The following TNIP1 variants were observed in gnomAD, a reference collection of about 807,000 sequenced individuals.
TNIP1 encodes the protein TNFAIP3-interacting protein 1.
TNIP1 carries 22 observed loss-of-function variants against 86.6 expected under a neutral mutation model. That is an observed-to-expected ratio of 0.25 (90% confidence interval 0.18 to 0.36). TNIP1 has a LOEUF of 0.36. Among genes scored for constraint, TNIP1 ranks in the 10% least tolerant of loss-of-function variants. The pLI, the probability that TNIP1 is intolerant of heterozygous loss-of-function variation, is 1.00. For synonymous variants in TNIP1, 294 were observed against 313.0 expected (o/e 0.94, Z 0.64); for missense variants, 709 against 820.6 (o/e 0.86, Z 1.66).
At chr5:151,033,586 C>T in intron 16 of TNIP1, 22 bp downstream of exon 16, 2 of 1,404,528 alleles carry the variant, frequency 1.4e-6, no homozygotes, top group Admixed American at 4.9e-5. Context: ...TGCCCTGGAG[C>T]AAGGGAGGGA....
chr5:151,087,652 T>C (rs1764323267), upstream of TNIP1: 1 of 152,252 alleles, frequency 6.6e-6, no homozygotes, highest in South Asian at 2.1e-4. Flanking sequence ...CACTCCTTCC[T>C]TGGTGCATGC....
chr5:151,066,498 G>A (rs760760615), intron 1 of TNIP1, among the ~76,000 whole-genome samples: 2 of 152,180 alleles, frequency 1.3e-5, no homozygotes, highest in South Asian at 2.1e-4. Flanking sequence ...ACCATGCTCC[G>A]TGGGTCCTTG....
chr5:151,069,705 A>AG (rs1161365128), intron 1 of TNIP1, among the ~76,000 whole-genome samples: 2 of 152,078 alleles, frequency 1.3e-5, no homozygotes, highest in Non-Finnish European at 2.9e-5. Flanking sequence ...GGGCTGGCAG[A>AG]GGGGGTATAG....
At chr5:151,040,261 C>G (rs566704238) in intron 11 of TNIP1, among the ~76,000 whole-genome samples, 50 of 152,342 alleles carry the variant, frequency 3.3e-4, no homozygotes, top group African/African-American at 1.2e-3. Flanking sequence ...GGGATCATGG[C>G]AGTGGGAGGT....
intron 1 of TNIP1, among the ~76,000 whole-genome samples, chr5:151,077,497 A>G (rs767009135): frequency 1.3e-5 from 2 of 152,168 alleles, no homozygotes; most frequent in Non-Finnish European, 2.9e-5. Context: ...CTTGCCACAC[A>G]CTATCCCATT....
intron 5 of TNIP1, among the ~76,000 whole-genome samples, chr5:151,059,147 T>C (rs560368585): frequency 6.6e-6 from 1 of 152,312 alleles, no homozygotes; most frequent in East Asian, 1.9e-4. Flanking sequence ...TTGGCTCAAG[T>C]GGCTCAGCAG....
chr5:151,074,515 G>A (rs1347912774), intron 1 of TNIP1, among the ~76,000 whole-genome samples: 2 of 152,142 alleles, frequency 1.3e-5, no homozygotes, highest in East Asian at 1.9e-4. Context: ...CTATGGAAAT[G>A]TTATGAGGAC....
intron 14 of TNIP1, 136 bp from the exon 15 acceptor site, chr5:151,035,203 G>C (rs1045819393): frequency 2.9e-6 from 3 of 1,026,346 alleles, no homozygotes; most frequent in South Asian, 1.5e-5. Context: ...GCCAGCCCCG[G>C]GAAAGGGCCC....
At chr5:151,075,755 G>A (rs544520838) in intron 1 of TNIP1, among the ~76,000 whole-genome samples, 24 of 152,372 alleles carry the variant, frequency 1.6e-4, no homozygotes, top group Admixed American at 7.2e-4. Flanking sequence ...TGACTATAGC[G>A]AAGGCAAAGG....
At position 151,030,354 on chromosome 5, in the gene TNIP1, C is replaced by T. The variant is rs2113170577; in HGVS notation, c.*359G>A. 3 of 435,596 alleles carry T rather than the reference C, an allele frequency of 6.9e-6. No homozygotes were observed. The highest frequency in any genetic ancestry group is 1.3e-5 in the Non-Finnish European group (3 of 230,996). 27.0% of individuals were successfully genotyped at this position (435,596 alleles called of 1,614,324 possible). ...GCAACTAGAGGGCCTGAAACCACTT[C>T]CGGGAGGTTTTGAAGGAAGGGGGTC... On this transcript the variant is annotated 3_prime_UTR_variant, in exon 18 of 18. Transcript: ENST00000521591.
intron 8 of TNIP1, among the ~76,000 whole-genome samples, chr5:151,049,567 T>C (rs912992688): frequency 1.4e-4 from 21 of 152,148 alleles, no homozygotes; most frequent in Admixed American, 1.4e-3. Context: ...CCACCTTCTA[T>C]GAGCAATGGC....
At chr5:151,048,715 G>C (rs1248553386) in intron 8 of TNIP1, among the ~76,000 whole-genome samples, 2 of 152,176 alleles carry the variant, frequency 1.3e-5, no homozygotes, top group African/African-American at 4.8e-5. Context: ...GAGAACCCAA[G>C]GGAGAACAGC....
intron 16 of TNIP1, 39 bp downstream of exon 16, chr5:151,033,569 C>G (rs2233307): frequency 1.5e-5 from 20 of 1,354,380 alleles, no homozygotes; most frequent in East Asian, 2.7e-5. Context: ...GGGGCAGCCT[C>G]TGTGTGTGCC....
At chr5:151,067,345 A>G (rs1192267433) in intron 1 of TNIP1, among the ~76,000 whole-genome samples, 1 of 152,210 alleles carries the variant, frequency 6.6e-6, no homozygotes, top group East Asian at 1.9e-4. Flanking sequence ...CTGGTACAGC[A>G]TGTGTCTGAC....
At chr5:151,031,848 C>A (rs1449387590) in intron 17 of TNIP1, among the ~76,000 whole-genome samples, 1 of 152,220 alleles carries the variant, frequency 6.6e-6, no homozygotes, top group African/African-American at 2.4e-5. Flanking sequence ...GCTAGTGTCA[C>A]TCATTCTGAG....
At chr5:151,083,690 G>C (rs1764167454), upstream of TNIP1, among the ~76,000 whole-genome samples, 1 of 152,144 alleles carries the variant, frequency 6.6e-6, no homozygotes, top group Non-Finnish European at 1.5e-5. Context: ...GCAACTTCTC[G>C]ATCTCCTTTC....
At position 151,042,805 on chromosome 5, in the gene TNIP1, G is replaced by A. The variant is rs980757712; in HGVS notation, c.1002+91C>T. The A allele has an allele frequency of 3.6e-5, 58 of 1,598,324 alleles. No homozygotes were observed. The African/African-American group carries it at 5.2e-4, about 14-fold the overall frequency. ...CCTCTGGGCCATACTGGGGCTCAGC[G>A]TGGCCACTCCCCAAGGTTCAAAGCT... is the stretch of plus-strand genomic sequence containing the variant. On this transcript the variant is annotated intron_variant, in intron 10 of 17. Transcript: ENST00000521591.
intron 5 of TNIP1, 56 bp downstream of exon 5, chr5:151,060,262 T>C (rs1045903924): frequency 8.8e-6 from 14 of 1,583,888 alleles, no homozygotes; most frequent in South Asian, 1.1e-5. Flanking sequence ...TGGTAGCAAG[T>C]GACAGGACAC....
At chr5:151,049,739 G>A (rs1475980668) in intron 8 of TNIP1, 85 bp downstream of exon 8, 16 of 1,514,044 alleles carry the variant, frequency 1.1e-5, no homozygotes, top group South Asian at 2.3e-5. Context: ...GCAGGAGGGA[G>A]GAGGCTCACT....
Sources: allele counts gnomAD v4.1 joint callset (sites outside exome capture counted in the v4.1 genomes callset), GRCh38; gene constraint gnomAD v4.1.1; transcripts MANE v1.5; gene names NCBI Gene and HGNC (gene_info 2026-07-23, HGNC 2026-07-21).